Variants in ZNF536 observed in about 807,000 individuals in gnomAD.
The protein encoded by ZNF536 is zinc finger protein 536.
Under a neutral mutation model 84.5 loss-of-function variants are expected in ZNF536, and 13 were observed. That is an observed-to-expected ratio of 0.15 (90% CI 0.10 to 0.24). ZNF536 has a LOEUF of 0.24. Ranked by LOEUF, ZNF536 falls within the 10% of genes least tolerant of loss-of-function variation. The pLI is 1.00. For synonymous variants in ZNF536, 811 were observed against 742.5 expected (o/e 1.09, Z -1.50); for missense variants, 1,536 against 1,747.5 (o/e 0.88, Z 2.16).
intron 1 of ZNF536, among the ~76,000 whole-genome samples, chr19:30,587,992 A>G (rs1333274473): frequency 6.6e-6 from 1 of 152,140 alleles, no homozygotes; most frequent in African/African-American, 2.4e-5. Flanking sequence ...CACTTGTGGC[A>G]CTCTTCTTCC....
intron 1 of ZNF536, among the ~76,000 whole-genome samples, chr19:30,427,480 A>G (rs935245912): frequency 6.6e-6 from 1 of 152,240 alleles, no homozygotes; most frequent in African/African-American, 2.4e-5. Flanking sequence ...TGCAGGGGAC[A>G]GCAAGTGGAA....
intron 2 of ZNF536, among the ~76,000 whole-genome samples, chr19:30,337,086 G>A (rs1425142494): frequency 6.6e-6 from 1 of 152,106 alleles, no homozygotes; most frequent in Non-Finnish European, 1.5e-5. Context: ...CTTGGTGGTG[G>A]TCAGATTGTT....
chr19:30,271,299 C>CTTTTTTTTTTTTTTTTTTTTTTT (rs781528411), intron 1 of ZNF536, among the ~76,000 whole-genome samples: 1 of 111,842 alleles, frequency 8.9e-6, no homozygotes, highest in Non-Finnish European at 1.7e-5. Context: ...TTTTTCTTTT[C>CTTTTTTTTTTTTTTTTTTTTTTT]TTTTTTTTTT....
chr19:30,489,901 T>A (rs1372320504), intron 2 of ZNF536, among the ~76,000 whole-genome samples: 1 of 152,200 alleles, frequency 6.6e-6, no homozygotes, highest in African/African-American at 2.4e-5. Flanking sequence ...TAAAACAAAT[T>A]CTGAATTTCC....
chr19:30,236,019 A>G (rs2023468746), intron 1 of ZNF536, among the ~76,000 whole-genome samples: 2 of 152,246 alleles, frequency 1.3e-5, no homozygotes, highest in South Asian at 4.1e-4. Context: ...TTCCACCCGA[A>G]AGAGGGTCAA....
At chr19:30,226,776 G>A (rs2022637043), upstream of ZNF536, among the ~76,000 whole-genome samples, 1 of 152,194 alleles carries the variant, frequency 6.6e-6, no homozygotes, top group Non-Finnish European at 1.5e-5. The surrounding 1 kb of genome is among the most constrained non-coding windows in gnomAD (Gnocchi z 4.6). Context: ...CGGGCGTGGG[G>A]GCTCTGGAAG....
At chr19:30,618,628 G>A (rs917358514) in intron 1 of ZNF536, among the ~76,000 whole-genome samples, 1 of 151,860 alleles carries the variant, frequency 6.6e-6, no homozygotes, top group East Asian at 1.9e-4. Flanking sequence ...TTGTTTTATT[G>A]TGTATGTACT....
chr19:30,603,562 T>C (rs2047767006), intron 1 of ZNF536, among the ~76,000 whole-genome samples: 1 of 152,214 alleles, frequency 6.6e-6, no homozygotes, highest in Admixed American at 6.5e-5. Context: ...TATTGAACAC[T>C]ATGGATATTA....
At chr19:30,431,709 T>G (rs1038059513) in intron 1 of ZNF536, among the ~76,000 whole-genome samples, 3 of 152,060 alleles carry the variant, frequency 2.0e-5, no homozygotes, top group African/African-American at 7.2e-5. Context: ...AGCAGGGAGG[T>G]GTAGCCTGAT....
At chr19:30,443,448 C>T (rs2052158872) in intron 1 of ZNF536, 113 bp from the exon 2 acceptor site, 1 of 1,386,500 alleles carries the variant, frequency 7.2e-7, no homozygotes, top group Admixed American at 2.7e-5. Flanking sequence ...AATTCCTTAG[C>T]ATGATTATGT....
At chr19:30,600,550 G>A (rs1006964888) in intron 1 of ZNF536, among the ~76,000 whole-genome samples, 10 of 152,126 alleles carry the variant, frequency 6.6e-5, no homozygotes, top group African/African-American at 1.4e-4. Context: ...TCACATCCAC[G>A]TCCTAGTGTG....
chr19:30,481,178 T>G (rs1017906120), intron 2 of ZNF536, among the ~76,000 whole-genome samples: 1 of 152,260 alleles, frequency 6.6e-6, no homozygotes, highest in Non-Finnish European at 1.5e-5. Context: ...CCTTCTTGTT[T>G]CCATGTTTTA....
intron 1 of ZNF536, among the ~76,000 whole-genome samples, chr19:30,415,284 C>CCTCCTCCTTCTTCTTCTT (rs1555750650): frequency 5.0e-5 from 6 of 120,068 alleles, no homozygotes; most frequent in Admixed American, 4.2e-4. Context: ...TCCTCCTCCT[C>CCTCCTCCTTCTTCTTCTT]CTTCTTCTTC....
chr19:30,442,746 A>C (rs1486380151), intron 1 of ZNF536, among the ~76,000 whole-genome samples: 1 of 152,224 alleles, frequency 6.6e-6, no homozygotes, highest in African/African-American at 2.4e-5. Context: ...GTTAAATCTT[A>C]ATCTCTGAGG....
At chr19:30,318,035 C>T (rs148089925) in intron 2 of ZNF536, among the ~76,000 whole-genome samples, 4 of 152,312 alleles carry the variant, frequency 2.6e-5, no homozygotes, top group East Asian at 3.9e-4. Flanking sequence ...GGTGTCTAGC[C>T]GTCTCCACAG....
At chr19:30,366,584 CTATCTATCT>C (rs1388217281) in intron 3 of ZNF536, among the ~76,000 whole-genome samples, 2 of 59,112 alleles carry the variant, frequency 3.4e-5, no homozygotes, top group African/African-American at 1.0e-4. Context: ...TATCATTTGT[CTATCTATCT>C]ATCTATCTAT....
At chr19:30,494,915 C>T (rs1273536880) in intron 2 of ZNF536, among the ~76,000 whole-genome samples, 1 of 139,862 alleles carries the variant, frequency 7.1e-6, no homozygotes, top group African/African-American at 2.9e-5. Flanking sequence ...CACTACACTC[C>T]AGCCTGGGCA....
chr19:30,319,048 T>A (rs2046771971), intron 2 of ZNF536, among the ~76,000 whole-genome samples: 1 of 152,218 alleles, frequency 6.6e-6, no homozygotes, highest in Admixed American at 6.5e-5. Flanking sequence ...TATCAAAGAA[T>A]ATGTTGACTA....
At chr19:30,428,458 C>T (rs908818937) in intron 1 of ZNF536, among the ~76,000 whole-genome samples, 3 of 152,190 alleles carry the variant, frequency 2.0e-5, no homozygotes, top group African/African-American at 7.2e-5. Flanking sequence ...GAAGCAGCAG[C>T]GAGTTTTCCT....
Sources: allele counts gnomAD v4.1 joint callset (sites outside exome capture counted in the v4.1 genomes callset), GRCh38; gene constraint gnomAD v4.1.1; non-coding constraint Gnocchi (gnomAD v3.1); transcripts MANE v1.5; gene names NCBI Gene and HGNC (gene_info 2026-07-23, HGNC 2026-07-21).